ARHGEF28: variants seen among roughly 807,000 people sequenced by gnomAD.
ARHGEF28 encodes Rho guanine nucleotide exchange factor 28, also known as 190 kDa guanine nucleotide exchange factor.
ARHGEF28 carries 152 observed loss-of-function variants against 206.6 expected under a neutral mutation model. That is an observed-to-expected ratio of 0.74 (90% CI 0.64 to 0.84). The LOEUF is 0.84. ARHGEF28 is among the 40% of genes least tolerant of loss of function. The pLI is 0.00. For missense variants in ARHGEF28, 2,028 were observed against 2,073.2 expected, an observed-to-expected ratio of 0.98 and a Z score of 0.42; for synonymous variants, 763 against 776.4, an observed-to-expected ratio of 0.98 and a Z score of 0.29.
intron 22 of ARHGEF28, among the ~76,000 whole-genome samples, chr5:73,876,618 T>A (rs1027616655): frequency 2.0e-5 from 3 of 148,030 alleles, no homozygotes; most frequent in Non-Finnish European, 3.0e-5. Flanking sequence ...TTATTGAGAG[T>A]TTTTAGCATG....
chr5:73,672,519 T>C (rs1376441983), intron 1 of ARHGEF28, among the ~76,000 whole-genome samples: 1 of 152,236 alleles, frequency 6.6e-6, no homozygotes, highest in Non-Finnish European at 1.5e-5. Context: ...GCATTCTATA[T>C]ATTTTAATAT....
At chr5:73,898,777 T>TTA (rs1225979860) in intron 30 of ARHGEF28, 1 of 152,250 alleles carries the variant, frequency 6.6e-6, no homozygotes. Flanking sequence ...AGCTATCCTG[T>TTA]TATATGTATA....
In ARHGEF28 at chr5:73,776,706, T is replaced by C. The variant is rs777463450; in HGVS notation, c.840+10T>C. On this transcript the variant is annotated intron_variant, in intron 6 of 35. Transcript: ENST00000513042. ...AGCCTTTCTTGTCAAGGTTTGTACA[T>C]AGTGATTCTAGCATGTGATAATGCA... 21 of 1,599,212 alleles carry C rather than the reference T, an allele frequency of 1.3e-5. 1 individual carries two copies. The highest frequency in any genetic ancestry group is 1.7e-4 in the Middle Eastern group (1 of 6,002).
chr5:73,844,604 T>G (rs1758186394), intron 11 of ARHGEF28, among the ~76,000 whole-genome samples: 1 of 150,452 alleles, frequency 6.6e-6, no homozygotes, highest in Non-Finnish European at 1.5e-5. Flanking sequence ...TTTCATTTTC[T>G]GGTTCTTGTA....
intron 2 of ARHGEF28, among the ~76,000 whole-genome samples, chr5:73,693,320 G>A (rs1314015921): frequency 6.6e-6 from 1 of 151,998 alleles, no homozygotes; most frequent in East Asian, 1.9e-4. Context: ...ACATGAATGG[G>A]GCTCCTTCAT....
At chr5:73,922,992 T>C (rs999442373) in intron 35 of ARHGEF28, 13 of 1,181,110 alleles carry the variant, frequency 1.1e-5, no homozygotes, top group Non-Finnish European at 1.3e-5. Context: ...TTCATTGGCA[T>C]GGAAATTGGA....
intron 2 of ARHGEF28, among the ~76,000 whole-genome samples, chr5:73,736,328 GCT>G (rs1750930131): frequency 1.3e-5 from 2 of 152,260 alleles, no homozygotes; most frequent in South Asian, 4.1e-4. Flanking sequence ...CAGTGGCAGG[GCT>G]TGCTGGGAGT....
Position 73,940,951 on chromosome 5 carries a change from A to G in ARHGEF28, c.5056A>G (p.Thr1686Ala), listed in dbSNP as rs1299522512. ...AGCAAAGCTAAATCTACCGACAAGG[A>G]CAATGACCAGACAAGATGGGGAAAC... ...TEAKLNLPTR[T>A]MTRQDGETGD... The change falls in exon 36 of 36, where the codon ACA (threonine) becomes GCA (alanine). Residue 1686 changes from threonine (T) to alanine (A), a missense_variant. Physicochemically the swap from Thr to Ala is moderately conservative, Grantham distance 58. Transcript: ENST00000513042. The G allele has an allele frequency of 5.2e-6, 8 of 1,534,550 alleles. No homozygotes were observed. Among genetic ancestry groups the G allele is most frequent in the Non-Finnish European group, 7.0e-6 (8 of 1,146,618 alleles).
Position 73,849,074 on chromosome 5 carries a change from CAGTTCAAGTGA to C in ARHGEF28, c.1737_1747del (p.Ser579ArgfsTer23). 2 of 1,562,248 alleles carry C rather than the reference CAGTTCAAGTGA, an allele frequency of 1.3e-6. No homozygotes were observed. The highest frequency in any genetic ancestry group is 1.7e-6 in the Non-Finnish European group (2 of 1,149,464). ...GTTTGGTGCGTGAATTAACAGTATGCAGTTCAAGTGAAGGTAAGCATCATTTAACATTTGGC... is the reference window on the plus strand; with the variant it reads ...GTTTGGTGCGTGAATTAACAGTATGCAGGTAAGCATCATTTAACATTTGGC... On this transcript the variant is annotated frameshift_variant and splice_region_variant, in exon 13 of 36. Transcript: ENST00000513042. LOFTEE classifies it high-confidence loss of function.
chr5:73,688,982 A>C (rs1466414819), intron 2 of ARHGEF28, among the ~76,000 whole-genome samples: 1 of 152,164 alleles, frequency 6.6e-6, no homozygotes, highest in East Asian at 1.9e-4. Context: ...TTTCCACTTA[A>C]GTTTTCAGTA....
At chr5:73,657,036 G>A (rs1745253843) in intron 1 of ARHGEF28, among the ~76,000 whole-genome samples, 1 of 151,958 alleles carries the variant, frequency 6.6e-6, no homozygotes. Flanking sequence ...AGCCAGGCAT[G>A]GTGGCGGGCA....
At chr5:73,721,327 T>A (rs1364413124) in intron 2 of ARHGEF28, among the ~76,000 whole-genome samples, 1 of 152,228 alleles carries the variant, frequency 6.6e-6, no homozygotes, top group African/African-American at 2.4e-5. Context: ...TTCTCGCTTT[T>A]ACCATCTTCT....
At position 73,774,029 on chromosome 5, in the gene ARHGEF28, A is replaced by T; in HGVS notation, c.650A>T (p.Asp217Val). ...GAAGGACACTCCAAGCTGGTGGAAG[A>T]CGTCACAAAGTGAGTTTAGCTACTT... ...LREGHSKLVE[D>V]VTNFQGRWSP... The change falls in exon 5 of 36, where the codon GAC (aspartate) becomes GTC (valine). Residue 217 changes from aspartate (D) to valine (V), a missense_variant. By Grantham distance (152) the Asp-to-Val change is radical. Around this residue, in one of 3 missense-constraint regions of ARHGEF28, gnomAD observed 1,002 missense variants for 1,015.3 expected, o/e 0.99. Coordinates refer to ENST00000513042, the MANE Select transcript of ARHGEF28 (RefSeq NM_001177693.2). The T allele has an allele frequency of 6.3e-7, 1 of 1,592,474 alleles. No individual in the cohort carries two copies. The highest frequency in any genetic ancestry group is 8.6e-7 in the Non-Finnish European group (1 of 1,169,298).
Position 73,868,200 on chromosome 5 carries a change from C to T in ARHGEF28, c.2398C>T (p.Pro800Ser), listed in dbSNP as rs761627207. ...GCTGCTACAGTCCATGGGCTCTTCT[C>T]CCTCTACAGAGTCTTTCATAATGGA... is the stretch of plus-strand genomic sequence containing the variant. Reference protein sequence around the residue: ...DELLQSMGSSPSTESFIMEDV... With the variant: ...DELLQSMGSSSSTESFIMEDV... The change falls in exon 20 of 36, where the codon CCC becomes TCC. Residue 800 changes from proline to serine, a missense_variant. Physicochemically the swap from Pro to Ser is moderately conservative, Grantham distance 74. This residue lies in a region of ARHGEF28 where 1,002 missense variants were observed against 1,015.3 expected (regional missense o/e 0.99). Coordinates refer to ENST00000513042, the MANE Select transcript of ARHGEF28 (RefSeq NM_001177693.2). 7 of 1,593,230 alleles carry T rather than the reference C, an allele frequency of 4.4e-6. No homozygotes were observed. In the African/African-American group the frequency reaches 6.7e-5, roughly 15 times the overall value.
intron 2 of ARHGEF28, among the ~76,000 whole-genome samples, chr5:73,718,170 C>T (rs546298763): frequency 2.0e-5 from 3 of 152,220 alleles, no homozygotes; most frequent in African/African-American, 7.2e-5. Flanking sequence ...CCACACTGGG[C>T]CAAAATTTGT....
At chr5:73,735,864 C>T (rs137968963) in intron 2 of ARHGEF28, among the ~76,000 whole-genome samples, 4 of 152,256 alleles carry the variant, frequency 2.6e-5, no homozygotes, top group East Asian at 3.9e-4. Flanking sequence ...CTGGTTTTCA[C>T]GCCTTTATTT....
At chr5:73,893,981 A>G (rs1761804802) in intron 28 of ARHGEF28, among the ~76,000 whole-genome samples, 1 of 151,854 alleles carries the variant, frequency 6.6e-6, no homozygotes, top group African/African-American at 2.4e-5. Flanking sequence ...AAAAACTTAA[A>G]CCAGTATGTT....
chr5:73,887,162 T>C (rs748857434), intron 25 of ARHGEF28, among the ~76,000 whole-genome samples: 4 of 152,248 alleles, frequency 2.6e-5, no homozygotes, highest in Non-Finnish European at 5.9e-5. Flanking sequence ...GCAATGAAGA[T>C]GAGTTCTTGT....
intron 16 of ARHGEF28, among the ~76,000 whole-genome samples, chr5:73,859,084 G>T (rs1165882043): frequency 6.6e-6 from 1 of 151,960 alleles, no homozygotes; most frequent in Non-Finnish European, 1.5e-5. Context: ...CCAGTGCCTG[G>T]CTCATCCTTG....
Sources: gnomAD v4.1 joint callset for allele counts (sites outside exome capture counted in the v4.1 genomes callset) on GRCh38, gnomAD v4.1.1 for gene constraint, gnomAD v4.1.1 regional missense constraint, MANE v1.5 for transcripts, NCBI Gene and HGNC (gene_info 2026-07-23, HGNC 2026-07-21) for gene names.